The following EFTUD2 variants were observed in gnomAD, a reference collection of about 807,000 sequenced individuals.
EFTUD2 encodes the protein 116 kDa U5 small nuclear ribonucleoprotein component.
Under a neutral mutation model 114.3 loss-of-function variants are expected in EFTUD2, and 9 were observed. That is an observed-to-expected ratio of 0.08 (90% confidence interval 0.05 to 0.14). The LOEUF (loss-of-function observed/expected upper bound fraction) is 0.14, where lower values mean the gene tolerates loss of function less well. Among genes scored for constraint, EFTUD2 ranks in the 10% least tolerant of loss-of-function variants. The pLI is 1.00. For missense variants in EFTUD2, 765 were observed against 1,241.2 expected (o/e 0.62, Z 5.76); for synonymous variants, 449 against 462.3 (o/e 0.97, Z 0.37).
intron 27 of EFTUD2, 59 bp from the exon 28 acceptor site, chr17:44,851,428 A>G: frequency 7.2e-7 from 1 of 1,383,812 alleles, no homozygotes; most frequent in Middle Eastern, 1.8e-4. Context: ...AAGCAAGGAG[A>G]CTATCCAAGA....
chr17:44,875,886 A>T (rs2050939047), intron 10 of EFTUD2, 48 bp downstream of exon 10: 1 of 1,595,204 alleles, frequency 6.3e-7, no homozygotes, highest in Non-Finnish European at 8.6e-7. Flanking sequence ...TCAGGGTTAA[A>T]ACCCAGAGCC....
chr17:44,876,184 A>C, intron 9 of EFTUD2, 84 bp from the exon 10 acceptor site: 2 of 1,481,674 alleles, frequency 1.3e-6, no homozygotes, highest in Non-Finnish European at 1.8e-6. Context: ...GCACTATTTC[A>C]AACCATGAAG....
At chr17:44,859,427 AT>A in intron 18 of EFTUD2, 1 of 566,026 alleles carries the variant, frequency 1.8e-6, no homozygotes, top group South Asian at 2.0e-5. Context: ...CATCTTAATG[AT>A]TTAGGTCAAA....
Position 44,881,698 on chromosome 17 carries a change from T to C in EFTUD2, c.517A>G (p.Thr173Ala), listed in dbSNP as rs754793607. ...QDLCYTDILF[T>A]EQERGVGIKS... ...CAAGGCATGCTTACCTCTTGCTCTG[T>C]GAAGAGGATGTCAGTATAGCACAGC... is the stretch of plus-strand genomic sequence containing the variant. The change falls in exon 7 of 28, where the codon ACA (threonine) becomes GCA (alanine). Residue 173 changes from threonine to alanine, a missense_variant. Coordinates refer to ENST00000426333, the MANE Select transcript of EFTUD2 (RefSeq NM_004247.4). 10 of 1,614,058 alleles carry C rather than the reference T, an allele frequency of 6.2e-6. No individual in the cohort carries two copies. The highest frequency in any genetic ancestry group is 8.5e-6 in the Non-Finnish European group (10 of 1,180,016).
At chr17:44,886,212 C>T (rs578136193) in intron 3 of EFTUD2, among the ~76,000 whole-genome samples, 4 of 152,016 alleles carry the variant, frequency 2.6e-5, no homozygotes, top group African/African-American at 7.2e-5. Flanking sequence ...CCAGCATGGG[C>T]GACAGAGCAA....
At chr17:44,861,857 C>T (rs578051997) in intron 16 of EFTUD2, among the ~76,000 whole-genome samples, 31 of 152,166 alleles carry the variant, frequency 2.0e-4, no homozygotes, top group Non-Finnish European at 4.1e-4. Context: ...TTAGGGAACA[C>T]GAATGCTTTG....
At chr17:44,890,240 G>A (rs2051255030) in intron 2 of EFTUD2, among the ~76,000 whole-genome samples, 2 of 151,452 alleles carry the variant, frequency 1.3e-5, no homozygotes, top group Non-Finnish European at 2.9e-5. Flanking sequence ...GACTGGTCTC[G>A]AACTCTTGAC....
rs186667133 is a variant in EFTUD2, at chr17:44,854,229, A to C, written c.2347+40T>G. On this transcript the variant is annotated intron_variant, in intron 23 of 27. Transcript: ENST00000426333. The surrounding 1 kb of genome is among the most constrained non-coding windows in gnomAD (Gnocchi z 4.3). ...CCCACTCATATGCCTGGCTGCAAGG[A>C]CCCTCGAGGACTGGGGTGGGGGAGT... 939 of 1,572,810 alleles carry C rather than the reference A, an allele frequency of 6.0e-4. 4 individuals are homozygous for C. Among genetic ancestry groups the C allele is most frequent in the Non-Finnish European group, 2.0e-4 (227 of 1,158,362 alleles).
At chr17:44,875,820 CCAA>C (rs1047327771) in intron 10 of EFTUD2, 111 bp downstream of exon 10, 1 of 1,365,438 alleles carries the variant, frequency 7.3e-7, no homozygotes, top group African/African-American at 1.5e-5. Flanking sequence ...CTAGTTTTGC[CCAA>C]CAAACTCATC....
intron 10 of EFTUD2, among the ~76,000 whole-genome samples, chr17:44,873,522 A>C (rs1056227962): frequency 2.0e-5 from 3 of 151,786 alleles, no homozygotes; most frequent in African/African-American, 7.3e-5. Context: ...AGCCTGGCTA[A>C]TTTTTGTAGA....
Position 44,854,204 on chromosome 17 carries a change from C to T in EFTUD2, c.2347+65G>A. ...CGAATCCTAAAGATGGTGAGCCCAT[C>T]CCACTCATATGCCTGGCTGCAAGGA... On this transcript the variant is annotated intron_variant, in intron 23 of 27. Coordinates refer to ENST00000426333, the MANE Select transcript of EFTUD2 (RefSeq NM_004247.4). The surrounding 1 kb of genome is among the most constrained non-coding windows in gnomAD (Gnocchi z 4.3). 1 of 1,519,352 alleles carries T rather than the reference C, an allele frequency of 6.6e-7. No homozygotes were observed. The highest frequency in any genetic ancestry group is 8.9e-7 in the Non-Finnish European group (1 of 1,118,516). 94.1% of individuals were successfully genotyped at this position (1,519,352 alleles called of 1,614,324 possible).
chr17:44,876,139 AGGAGG>A, intron 9 of EFTUD2, 39 bp from the exon 10 acceptor site: 1 of 1,583,622 alleles, frequency 6.3e-7, no homozygotes, highest in Non-Finnish European at 8.6e-7. Flanking sequence ...AAGAAGAACA[AGGAGG>A]GCAGAAAGTT....
At chr17:44,876,146 C>G in intron 9 of EFTUD2, 46 bp from the exon 10 acceptor site, 1 of 1,572,368 alleles carries the variant, frequency 6.4e-7, no homozygotes. Flanking sequence ...ACAAGGAGGG[C>G]AGAAAGTTCA....
intron 10 of EFTUD2, among the ~76,000 whole-genome samples, chr17:44,873,924 T>C (rs372780245): frequency 4.7e-5 from 7 of 149,484 alleles, no homozygotes; most frequent in African/African-American, 1.8e-4. Flanking sequence ...TTAGTAGAGA[T>C]GGGGTTTCAC....
intron 13 of EFTUD2, among the ~76,000 whole-genome samples, chr17:44,866,929 C>T (rs145893014): frequency 2.6e-5 from 4 of 152,142 alleles, no homozygotes; most frequent in Admixed American, 6.5e-5. Context: ...AATGGCAAGA[C>T]CCTGTCTCTA....
At chr17:44,865,531 C>T (rs2050730538) in intron 13 of EFTUD2, among the ~76,000 whole-genome samples, 1 of 152,144 alleles carries the variant, frequency 6.6e-6, no homozygotes, top group African/African-American at 2.4e-5. Context: ...CTGAGGCAGG[C>T]TCTATAAATT....
At chr17:44,877,004 G>A (rs62064509) in intron 9 of EFTUD2, among the ~76,000 whole-genome samples, 6 of 151,832 alleles carry the variant, frequency 4.0e-5, no homozygotes, top group South Asian at 4.2e-4. Context: ...GACCATCCCC[G>A]GCAACAGAGC....
Position 44,883,142 on chromosome 17 carries a change from C to G in EFTUD2, c.443G>C (p.Cys148Ser). 1 of 1,614,088 alleles carries G rather than the reference C, an allele frequency of 6.2e-7. No individual in the cohort carries two copies. Among genetic ancestry groups the G allele is most frequent in the South Asian group, 1.1e-5 (1 of 91,080 alleles). ...TTCCGGGTGAGTCTGTTCAATTAAA[C>G]AATCCACAAAACATGTCTAAAAGGG... ...LHHGKTCFVDCLIEQTHPEIR... is the reference protein window; with the variant it reads ...LHHGKTCFVDSLIEQTHPEIR... Residue 148 changes from cysteine to serine, a missense_variant, in exon 6 of 28, where the codon TGT becomes TCT. Cys to Ser is a moderately radical substitution (Grantham distance 112). Coordinates refer to ENST00000426333, the MANE Select transcript of EFTUD2 (RefSeq NM_004247.4).
chr17:44,895,708 T>A (rs2145585346), intron 1 of EFTUD2: 1 of 152,284 alleles, frequency 6.6e-6, no homozygotes. Flanking sequence ...AAGAACATTC[T>A]CCTACATAAC....
Sources: gnomAD v4.1 joint callset for allele counts (sites outside exome capture counted in the v4.1 genomes callset) on GRCh38, gnomAD v4.1.1 for gene constraint, Gnocchi (gnomAD v3.1) non-coding constraint, MANE v1.5 for transcripts, NCBI Gene and HGNC (gene_info 2026-07-23, HGNC 2026-07-21) for gene names.